Variants in COX5A observed in about 807,000 individuals in gnomAD.
The protein encoded by COX5A is cytochrome c oxidase subunit 5A.
A neutral mutation model predicts 16.1 loss-of-function variants in COX5A; 6 were observed. The ratio of observed to expected loss-of-function variants is 0.37; its 90% CI spans 0.20 to 0.73. The LOEUF is 0.73. Ranked by LOEUF, COX5A falls within the 30% of genes least tolerant of loss-of-function variation. The probability of loss-of-function intolerance (pLI) is 0.50; values close to 1 mark genes in which losing one functional copy is unlikely to be tolerated. For synonymous variants in COX5A, 73 were observed against 73.8 expected (o/e 0.99, Z 0.06); for missense variants, 159 against 194.9 (o/e 0.82, Z 1.10).
chr15:74,919,976 A>G lies in COX5A; in HGVS notation c.*476T>C. On this transcript the variant is annotated 3_prime_UTR_variant, in exon 5 of 5. Transcript: ENST00000322347. Reference sequence around the variant, plus strand: ...CATCCTCAAGACTATCTCAGTGACCACTTTTAAACATCATTAAAACCTGTT... The same window carrying G: ...CATCCTCAAGACTATCTCAGTGACCGCTTTTAAACATCATTAAAACCTGTT... The G allele has an allele frequency of 5.0e-6, 1 of 198,226 alleles. No individual in the cohort carries two copies. Among genetic ancestry groups the G allele is most frequent in the Non-Finnish European group, 1.0e-5 (1 of 99,500 alleles). The allele number at this position is 198,226 out of a possible 1,614,324, so 12.3% of individuals were successfully genotyped here.
intron 2 of COX5A, among the ~76,000 whole-genome samples, chr15:74,928,074 T>C (rs1029802062): frequency 1.3e-5 from 2 of 152,234 alleles, no homozygotes; most frequent in Non-Finnish European, 2.9e-5. Flanking sequence ...ATTCTATTGG[T>C]TGTAGCAAAA....
intron 1 of COX5A, 49 bp from the exon 2 acceptor site, chr15:74,929,281 T>A: frequency 7.6e-7 from 1 of 1,312,814 alleles, no homozygotes; most frequent in Non-Finnish European, 1.1e-6. Context: ...TAGTACTTGA[T>A]ATATTTTGTT....
At position 74,938,069 on chromosome 15, in the gene COX5A, G is replaced by C. The variant is rs905554956; in HGVS notation, c.-55C>G. 7.0e-6 allele frequency: 8 copies of C among 1,143,654 alleles called. No homozygotes were observed. The African/African-American group carries it at 1.3e-4, about 18-fold the overall frequency. 70.8% of individuals were successfully genotyped at this position (1,143,654 alleles called of 1,614,324 possible). A position where few individuals can be genotyped will look rare whatever the true frequency, so the allele number is the denominator to read the frequency against. On this transcript the variant is annotated 5_prime_UTR_variant, in exon 1 of 5. Coordinates refer to ENST00000322347, the MANE Select transcript of COX5A (RefSeq NM_004255.4). The stretch of plus-strand genomic sequence containing the variant: ...CAGAGAGAAGCCGGTGTAAGCTCGC[G>C]GGTTGCTCCGGAGCGGGCGGGGGCC...
At chr15:74,928,686 A>G (rs995875685) in intron 2 of COX5A, among the ~76,000 whole-genome samples, 2 of 152,196 alleles carry the variant, frequency 1.3e-5, no homozygotes, top group South Asian at 2.1e-4. Flanking sequence ...CGCCCGTGCT[A>G]TGTAAATTGT....
At chr15:74,921,891 A>G (rs1289460001) in intron 4 of COX5A, among the ~76,000 whole-genome samples, 3 of 152,132 alleles carry the variant, frequency 2.0e-5, no homozygotes, top group African/African-American at 7.2e-5. Flanking sequence ...GGGGTGGACA[A>G]AGATAAAATG....
At chr15:74,935,857 T>C (rs1383881326) in intron 1 of COX5A, among the ~76,000 whole-genome samples, 1 of 152,016 alleles carries the variant, frequency 6.6e-6, no homozygotes, top group Non-Finnish European at 1.5e-5. Context: ...CCCAAAGTGC[T>C]GGGATTACAG....
At chr15:74,931,734 A>G (rs972570951) in intron 1 of COX5A, among the ~76,000 whole-genome samples, 9 of 151,910 alleles carry the variant, frequency 5.9e-5, no homozygotes, top group Admixed American at 2.0e-4. Context: ...TTGTATTTTG[A>G]GTAGAGACGG....
chr15:74,923,413 CAA>C (rs935173630), intron 4 of COX5A, among the ~76,000 whole-genome samples: 4 of 126,950 alleles, frequency 3.2e-5, no homozygotes, highest in Non-Finnish European at 3.4e-5. Flanking sequence ...GACTCCATCT[CAA>C]AAAAAAAAAG....
rs535949066 is a variant in COX5A at position 74,925,009 on chromosome 15, G to T, written c.340-1239C>A. ...TGCTGTCACAAGGTTCCTTAGGAAC[G>T]AATAAGAAGTCAAAAGAACTAAGAA... On this transcript the variant is annotated intron_variant, in intron 3 of 4. Coordinates refer to ENST00000322347, the MANE Select transcript of COX5A (RefSeq NM_004255.4). 3.4e-4 allele frequency among the ~76,000 whole-genome samples: 52 copies of T among 152,144 alleles called. 3 individuals carry two copies. Among genetic ancestry groups the T allele is most frequent in the Non-Finnish European group, 2.9e-5 (2 of 68,040 alleles).
intron 4 of COX5A, among the ~76,000 whole-genome samples, chr15:74,921,759 T>C (rs1303406171): frequency 6.6e-6 from 1 of 151,916 alleles, no homozygotes; most frequent in Non-Finnish European, 1.5e-5. Flanking sequence ...AACAAGAGCT[T>C]CAAAAGTATA....
At chr15:74,923,042 T>C (rs534190328) in intron 4 of COX5A, among the ~76,000 whole-genome samples, 7 of 152,224 alleles carry the variant, frequency 4.6e-5, no homozygotes, top group Non-Finnish European at 1.0e-4. Context: ...AGACTCACTA[T>C]ATTATCATCT....
intron 1 of COX5A, among the ~76,000 whole-genome samples, chr15:74,929,662 G>C (rs1057203839): frequency 5.3e-5 from 8 of 152,226 alleles, no homozygotes; most frequent in African/African-American, 1.9e-4. Context: ...CTACTCAGAG[G>C]CTGAGGCAGG....
rs1461091637 is a variant in COX5A at position 74,926,791 on chromosome 15, G to A, written c.314C>T (p.Thr105Ile). ...ACRRLNDFASTVRILEVVKDK... is the reference protein window; with the variant it reads ...ACRRLNDFASIVRILEVVKDK... ...CTTAACAACCTCTAGGATACGAACTGTACTAGCAAAATCATTTAACCGTCT... is the reference window on the plus strand; with the variant it reads ...CTTAACAACCTCTAGGATACGAACTATACTAGCAAAATCATTTAACCGTCT... Residue 105 changes from threonine to isoleucine, a missense_variant, in exon 3 of 5, where the codon ACA becomes ATA. Physicochemically the swap from Thr to Ile is moderately conservative, Grantham distance 89 (BLOSUM62 -1). Coordinates refer to ENST00000322347, the MANE Select transcript of COX5A (RefSeq NM_004255.4). 3 of 1,613,560 alleles carry A rather than the reference G, an allele frequency of 1.9e-6. No homozygotes were observed.
chr15:74,930,018 G>A (rs1431385754), intron 1 of COX5A, among the ~76,000 whole-genome samples: 1 of 151,810 alleles, frequency 6.6e-6, no homozygotes, highest in African/African-American at 2.4e-5. Context: ...GGCGGAGGTT[G>A]CAGTGAGCTG....
chr15:74,929,211 T>C lies in COX5A; in HGVS notation c.122A>G (p.Tyr41Cys). ...ATCTGTCTCCTGTGACCCATGGGAA[T>C]AGCAGCGAACTGACTGGATAGCTAT... ...PAVAIQSVRC[Y>C]SHGSQETDEE... The change falls in exon 2 of 5, where the codon TAT (tyrosine) becomes TGT (cysteine). Residue 41 changes from tyrosine to cysteine, a missense_variant. Transcript: ENST00000322347. 1.9e-6 allele frequency: 3 copies of C among 1,613,414 alleles called. No individual in the cohort carries two copies. The highest frequency in any genetic ancestry group is 2.5e-6 in the Non-Finnish European group (3 of 1,179,350).
At chr15:74,929,384 AGATATATTT>A in intron 1 of COX5A, 152 bp from the exon 2 acceptor site, 1 of 581,364 alleles carries the variant, frequency 1.7e-6, no homozygotes, top group Middle Eastern at 2.9e-4. Flanking sequence ...TGATACAGAA[AGATATATTT>A]TAAATTAAGC....
chr15:74,921,189 C>T (rs558197737), intron 4 of COX5A, among the ~76,000 whole-genome samples: 256 of 151,580 alleles, frequency 1.7e-3, no homozygotes, highest in African/African-American at 5.9e-3. Flanking sequence ...AGGCAGATCG[C>T]GAAGTCAGGA....
Position 74,923,777 on chromosome 15 carries a change from G to A in COX5A, c.340-7C>T. On this transcript the variant is annotated splice_region_variant and splice_polypyrimidine_tract_variant and intron_variant, in intron 3 of 4. Coordinates refer to ENST00000322347, the MANE Select transcript of COX5A (RefSeq NM_004255.4). ...TATGAGGTCCTGCTTTGTCCTGATG[G>A]CAAAGAGAATATTCACATTTAACTC... 2 of 1,499,024 alleles carry A rather than the reference G, an allele frequency of 1.3e-6. No individual in the cohort carries two copies. Among genetic ancestry groups the A allele is most frequent in the Non-Finnish European group, 1.9e-6 (2 of 1,077,098 alleles). 92.9% of individuals were successfully genotyped at this position (1,499,024 alleles called of 1,614,324 possible).
At position 74,926,331 on chromosome 15, in the gene COX5A, C is replaced by T. The variant is rs547308660; in HGVS notation, c.339+435G>A. ...CTGGGATTACAGGCGTGAGCCACCG[C>T]GCCTGGCCTAATTTTTATATTTTTA... On this transcript the variant is annotated intron_variant, in intron 3 of 4. Transcript: ENST00000322347. 9.3e-4 allele frequency among the ~76,000 whole-genome samples: 141 copies of T among 151,770 alleles called. 3 individuals are homozygous for T. In the South Asian group the frequency reaches 0.025, roughly 27 times the overall value.
Sources: gnomAD v4.1 joint callset for allele counts (sites outside exome capture counted in the v4.1 genomes callset) on GRCh38, gnomAD v4.1.1 for gene constraint, MANE v1.5 for transcripts, NCBI Gene and HGNC (gene_info 2026-07-23, HGNC 2026-07-21) for gene names.